Variants in SLC4A4 observed in about 807,000 individuals in gnomAD.
SLC4A4 encodes electrogenic sodium bicarbonate cotransporter 1.
In SLC4A4, 27 loss-of-function variants were observed where a neutral mutation model predicts 111.5. That is an observed-to-expected ratio of 0.24 (90% confidence interval 0.18 to 0.33). SLC4A4 has a LOEUF of 0.33. SLC4A4 is among the 10% of genes least tolerant of loss of function. The pLI, the probability that SLC4A4 is intolerant of heterozygous loss-of-function variation, is 1.00. For missense variants in SLC4A4, 909 were observed against 1,315.5 expected (o/e 0.69, Z 4.78); for synonymous variants, 443 against 463.4 (o/e 0.96, Z 0.57).
In SLC4A4 at chr4:71,129,934, G is replaced by A. The variant is rs550747323; in HGVS notation, c.-2+37142G>A. On this transcript the variant is annotated intron_variant, in intron 2 of 26. Coordinates refer to the SLC4A4 transcript ENST00000649996. ...CTTATAAGTAGGAGCTAAACATTGC[G>A]TACACGTGGACACAAAGAAGAGAAA... 2.6e-5 allele frequency among the ~76,000 whole-genome samples: 4 copies of A among 152,082 alleles called. No homozygotes were observed. The South Asian group carries it at 6.2e-4, about 24-fold the overall frequency.
At chr4:71,112,856 GA>G (rs897688348) in intron 2 of SLC4A4, among the ~76,000 whole-genome samples, 5 of 152,064 alleles carry the variant, frequency 3.3e-5, no homozygotes, top group Admixed American at 3.3e-4. Context: ...TTTCACTTTG[GA>G]AAAAAATATT....
At chr4:71,185,323 G>A (rs1745416197), upstream of SLC4A4, among the ~76,000 whole-genome samples, 1 of 152,232 alleles carries the variant, frequency 6.6e-6, no homozygotes, top group Non-Finnish European at 1.5e-5. Context: ...CCCTTTGCCT[G>A]TTAGCTTACT....
chr4:71,427,411 G>T (rs1159944039), intron 7 of SLC4A4, among the ~76,000 whole-genome samples: 1 of 151,894 alleles, frequency 6.6e-6, no homozygotes, highest in Non-Finnish European at 1.5e-5. Context: ...TTATCTCTAG[G>T]ACAAGTATTT....
intron 2 of SLC4A4, among the ~76,000 whole-genome samples, chr4:71,162,386 C>T (rs1744637919): frequency 1.3e-5 from 2 of 152,190 alleles, no homozygotes; most frequent in African/African-American, 4.8e-5. Flanking sequence ...TATTCATAGG[C>T]AAATCCTCCT....
At chr4:71,562,848 A>C (rs940805592) in intron 23 of SLC4A4, among the ~76,000 whole-genome samples, 1 of 151,534 alleles carries the variant, frequency 6.6e-6, no homozygotes, top group Non-Finnish European at 1.5e-5. Flanking sequence ...ACTGTTGTTC[A>C]TTAACCTCTT....
At chr4:71,138,616 C>A (rs1424121003) in intron 2 of SLC4A4, among the ~76,000 whole-genome samples, 1 of 152,218 alleles carries the variant, frequency 6.6e-6, no homozygotes, top group East Asian at 1.9e-4. Flanking sequence ...AACACCATTT[C>A]TTTTCTGGAC....
intron 2 of SLC4A4, among the ~76,000 whole-genome samples, chr4:71,123,643 G>A (rs183771099): frequency 6.6e-6 from 1 of 152,078 alleles, no homozygotes; most frequent in East Asian, 1.9e-4. Flanking sequence ...AAAACAAAAA[G>A]CTTCATAATA....
chr4:71,399,192 G>A (rs1720122882), intron 7 of SLC4A4, among the ~76,000 whole-genome samples: 1 of 152,002 alleles, frequency 6.6e-6, no homozygotes, highest in Non-Finnish European at 1.5e-5. Flanking sequence ...ATCTGATGGA[G>A]GTTGTGGAAT....
intron 7 of SLC4A4, among the ~76,000 whole-genome samples, chr4:71,435,237 G>A (rs1482929821): frequency 6.6e-6 from 1 of 152,098 alleles, no homozygotes; most frequent in Non-Finnish European, 1.5e-5. Context: ...CAGAACAGAG[G>A]CCTCAGAAAT....
At chr4:71,480,286 T>C (rs1254414470) in intron 14 of SLC4A4, among the ~76,000 whole-genome samples, 3 of 151,250 alleles carry the variant, frequency 2.0e-5, no homozygotes, top group Non-Finnish European at 4.4e-5. Flanking sequence ...GATTAAAGAG[T>C]ATACAACTTG....
intron 2 of SLC4A4, among the ~76,000 whole-genome samples, chr4:71,253,623 C>T (rs1445164169): frequency 1.3e-5 from 2 of 152,168 alleles, no homozygotes; most frequent in African/African-American, 4.8e-5. Context: ...GTAACTGGAG[C>T]ACAGGAAACA....
intron 1 of SLC4A4, among the ~76,000 whole-genome samples, chr4:71,064,806 T>C (rs779449117): frequency 6.6e-6 from 1 of 152,186 alleles, no homozygotes; most frequent in Non-Finnish European, 1.5e-5. Flanking sequence ...TAGGTTAAAA[T>C]TTGCGCTGTG....
chr4:71,412,222 G>GAATTT (rs1420988197), intron 7 of SLC4A4, among the ~76,000 whole-genome samples: 2 of 152,164 alleles, frequency 1.3e-5, no homozygotes, highest in African/African-American at 4.8e-5. Flanking sequence ...TTTGAACAGA[G>GAATTT]AATTTATGAC....
intron 6 of SLC4A4, among the ~76,000 whole-genome samples, chr4:71,387,361 T>G (rs1718843215): frequency 6.6e-6 from 1 of 152,170 alleles, no homozygotes; most frequent in Non-Finnish European, 1.5e-5. Flanking sequence ...TGGTGTGGCT[T>G]TATACTTTTG....
At chr4:71,111,972 C>T (rs770266073) in intron 2 of SLC4A4, among the ~76,000 whole-genome samples, 10 of 152,334 alleles carry the variant, frequency 6.6e-5, no homozygotes, top group African/African-American at 2.4e-4. Context: ...GCTGAGATTA[C>T]AGACGTGAAC....
At chr4:71,437,578 T>A in intron 7 of SLC4A4, 1 of 522,456 alleles carries the variant, frequency 1.9e-6, no homozygotes, top group Non-Finnish European at 3.9e-6. Context: ...AGGGCTGCCA[T>A]GTTGAAGATC....
rs192739909 is a variant in SLC4A4, at chr4:71,115,997, C to T, written c.-2+23205C>T. 6.6e-5 allele frequency among the ~76,000 whole-genome samples: 10 copies of T among 152,278 alleles called. 1 individual carries two copies. In the South Asian group the frequency reaches 1.5e-3, roughly 22 times the overall value. ...GCAACATCCACCTCCCAGGTTGAAG[C>T]GATTCTCCTGCCTCAGCCTCCTGAG... On this transcript the variant is annotated intron_variant, in intron 2 of 26. Transcript: ENST00000649996.
intron 15 of SLC4A4, among the ~76,000 whole-genome samples, chr4:71,490,206 A>T (rs541892436): frequency 1.7e-4 from 26 of 151,940 alleles, no homozygotes; most frequent in African/African-American, 5.1e-4. Context: ...AATGAGCATT[A>T]ATACCTGTTG....
In SLC4A4 at chr4:71,175,383, C is replaced by T. The variant is rs551612954; in HGVS notation, c.-1-61193C>T. On this transcript the variant is annotated intron_variant, in intron 2 of 26. Coordinates refer to the SLC4A4 transcript ENST00000649996. ...CGTGAGCCGAAGCAGGGCGAGGCATCGCCTCACCCAGGAAGCGCAATGGGT... is the reference window on the plus strand; with the variant it reads ...CGTGAGCCGAAGCAGGGCGAGGCATTGCCTCACCCAGGAAGCGCAATGGGT... Among the ~76,000 whole-genome samples the T allele has an allele frequency of 1.1e-3, 173 of 152,314 alleles. 3 individuals are homozygous for T. The South Asian group carries it at 0.033, about 29-fold the overall frequency.
Sources: allele counts gnomAD v4.1 joint callset (sites outside exome capture counted in the v4.1 genomes callset), GRCh38; gene constraint gnomAD v4.1.1; transcripts MANE v1.5; gene names NCBI Gene and HGNC (gene_info 2026-07-23, HGNC 2026-07-21).